Variants in PDZD8 observed in about 807,000 individuals in gnomAD.
PDZD8 encodes PDZ domain-containing protein 8.
In PDZD8, 14 loss-of-function variants were observed where a neutral mutation model predicts 85.8. The observed-to-expected ratio is 0.16, with a 90% CI of 0.11 to 0.26. The LOEUF (loss-of-function observed/expected upper bound fraction) is 0.26. Among genes scored for constraint, PDZD8 ranks in the 10% least tolerant of loss-of-function variants. The pLI is 1.00. For missense variants in PDZD8, 1,197 were observed against 1,424.3 expected, an observed-to-expected ratio of 0.84 and a Z score of 2.57; for synonymous variants, 592 against 568.6, an observed-to-expected ratio of 1.04 and a Z score of -0.59.
intron 2 of PDZD8, among the ~76,000 whole-genome samples, chr10:117,328,196 G>A (rs1844349537): frequency 6.6e-6 from 1 of 152,164 alleles, no homozygotes; most frequent in Non-Finnish European, 1.5e-5. Context: ...TAACTGTTCA[G>A]AATGTGATTG....
At chr10:117,293,087 G>A (rs1369410971) in intron 3 of PDZD8, among the ~76,000 whole-genome samples, 1 of 151,944 alleles carries the variant, frequency 6.6e-6, no homozygotes, top group Non-Finnish European at 1.5e-5. Context: ...GTGAAACAAA[G>A]CATTTTAAAA....
intron 2 of PDZD8, among the ~76,000 whole-genome samples, chr10:117,323,680 T>C (rs892229409): frequency 1.3e-5 from 2 of 152,148 alleles, no homozygotes; most frequent in African/African-American, 2.4e-5. Context: ...GGCAGAACAG[T>C]ATTCTCCTGA....
intron 1 of PDZD8, among the ~76,000 whole-genome samples, chr10:117,366,513 A>G (rs2133887851): frequency 6.6e-6 from 1 of 152,026 alleles, no homozygotes; most frequent in Admixed American, 6.6e-5. Flanking sequence ...CTTTTCTGTA[A>G]AAGGCCAGAT....
chr10:117,318,435 C>G (rs1844167620), intron 3 of PDZD8, among the ~76,000 whole-genome samples: 2 of 152,132 alleles, frequency 1.3e-5, no homozygotes, highest in South Asian at 4.1e-4. Context: ...AAATCTACCC[C>G]ATGTTAGTAT....
At chr10:117,308,714 T>G (rs922730979) in intron 3 of PDZD8, among the ~76,000 whole-genome samples, 2 of 152,116 alleles carry the variant, frequency 1.3e-5, no homozygotes, top group African/African-American at 4.8e-5. Flanking sequence ...CTGCCTGGGT[T>G]TGCAGACTGT....
At chr10:117,369,789 T>C (rs1845158181) in intron 1 of PDZD8, among the ~76,000 whole-genome samples, 1 of 152,190 alleles carries the variant, frequency 6.6e-6, no homozygotes, top group Non-Finnish European at 1.5e-5. Context: ...AATGCAGCAC[T>C]GGCGCTACAA....
intron 2 of PDZD8, among the ~76,000 whole-genome samples, chr10:117,326,652 C>T (rs1844322176): frequency 6.6e-6 from 1 of 152,018 alleles, no homozygotes; most frequent in Non-Finnish European, 1.5e-5. Flanking sequence ...ACTTTAGCAA[C>T]ATCTCTAATA....
rs553298872 is a variant in PDZD8 at position 117,308,259 on chromosome 10, TAAAC to T, written c.1098+10609_1098+10612del. 7.9e-5 allele frequency among the ~76,000 whole-genome samples: 12 copies of T among 152,152 alleles called. No individual in the cohort carries two copies. In the South Asian group the frequency reaches 1.9e-3, roughly 24 times the overall value. On this transcript the variant is annotated intron_variant, in intron 3 of 4. Transcript: ENST00000334464. ...AAGTCATTATTTGAGAACACAATCT[TAAAC>T]AACAACAACAATACCACTATCTCAT...
chr10:117,316,330 C>A lies in PDZD8; in HGVS notation c.1098+2542G>T, dbSNP rs151114376. On this transcript the variant is annotated intron_variant, in intron 3 of 4. Transcript: ENST00000334464. ...TATGTAGGGTATTTGCTAAATTATT[C>A]TTTGCAATTTCTCCCTTATGTCCCA... 3.7e-3 allele frequency among the ~76,000 whole-genome samples: 563 copies of A among 152,110 alleles called. 1 individual carries two copies. The highest frequency in any genetic ancestry group is 0.013 in the African/African-American group (528 of 41,474).
chr10:117,324,962 T>C (rs1319160772), intron 2 of PDZD8, among the ~76,000 whole-genome samples: 1 of 152,192 alleles, frequency 6.6e-6, no homozygotes, highest in African/African-American at 2.4e-5. Context: ...TTTATGGCAA[T>C]ATAATCATTT....
chr10:117,314,858 A>G (rs527574250), intron 3 of PDZD8, among the ~76,000 whole-genome samples: 29 of 152,330 alleles, frequency 1.9e-4, no homozygotes, highest in African/African-American at 7.0e-4. Context: ...CTCTAATTGC[A>G]AAGGGAAATA....
At chr10:117,296,468 T>C (rs978479288) in intron 3 of PDZD8, among the ~76,000 whole-genome samples, 4 of 152,046 alleles carry the variant, frequency 2.6e-5, no homozygotes, top group Non-Finnish European at 5.9e-5. Flanking sequence ...CCAGTCGAAA[T>C]CCCTGCAGGC....
At chr10:117,301,056 T>A (rs1285517653) in intron 3 of PDZD8, among the ~76,000 whole-genome samples, 7 of 152,224 alleles carry the variant, frequency 4.6e-5, no homozygotes, top group African/African-American at 1.7e-4. Flanking sequence ...TGGCATGATC[T>A]TGGCTCACTG....
chr10:117,358,503 C>T (rs1844940039), intron 1 of PDZD8, among the ~76,000 whole-genome samples: 1 of 152,060 alleles, frequency 6.6e-6, no homozygotes, highest in South Asian at 2.1e-4. Context: ...GTCTTTTTTA[C>T]TGATTGCTAA....
intron 1 of PDZD8, among the ~76,000 whole-genome samples, chr10:117,358,138 G>T (rs1844932834): frequency 6.6e-6 from 1 of 152,000 alleles, no homozygotes; most frequent in Non-Finnish European, 1.5e-5. Flanking sequence ...AAAGTTCCCT[G>T]TTTCTTAAAC....
intron 1 of PDZD8, among the ~76,000 whole-genome samples, chr10:117,343,013 C>T (rs1322320219): frequency 1.3e-5 from 2 of 152,118 alleles, no homozygotes; most frequent in South Asian, 2.1e-4. Context: ...CTCTAAATTG[C>T]GTGCATTTAT....
At chr10:117,349,553 A>C (rs1844766955) in intron 1 of PDZD8, among the ~76,000 whole-genome samples, 1 of 152,230 alleles carries the variant, frequency 6.6e-6, no homozygotes, top group South Asian at 2.1e-4. Flanking sequence ...CTGTAATCCC[A>C]ACACTTTGGG....
chr10:117,306,896 C>T (rs1421628318), intron 3 of PDZD8, among the ~76,000 whole-genome samples: 1 of 151,996 alleles, frequency 6.6e-6, no homozygotes, highest in African/African-American at 2.4e-5. Context: ...GCATGTATTA[C>T]CTAACAAGGA....
At chr10:117,326,643 CT>C (rs60015008) in intron 2 of PDZD8, among the ~76,000 whole-genome samples, 15,997 of 152,196 alleles carry the variant, frequency 0.11, 1,112 homozygotes, top group East Asian at 0.34. Flanking sequence ...TAGTGGTTAA[CT>C]TTAGCAACAT....
Sources: gnomAD v4.1 joint callset for allele counts (sites outside exome capture counted in the v4.1 genomes callset) on GRCh38, gnomAD v4.1.1 for gene constraint, MANE v1.5 for transcripts, NCBI Gene and HGNC (gene_info 2026-07-23, HGNC 2026-07-21) for gene names.